Variants in RHOBTB1 observed in about 807,000 individuals in gnomAD.
The protein encoded by RHOBTB1 is rho-related BTB domain-containing protein 1.
Under a neutral mutation model 71.6 loss-of-function variants are expected in RHOBTB1, and 40 were observed. That is an observed-to-expected ratio of 0.56 (90% CI 0.43 to 0.73). The LOEUF (loss-of-function observed/expected upper bound fraction) is 0.73. Among genes scored for constraint, RHOBTB1 ranks in the 30% least tolerant of loss-of-function variants. RHOBTB1 has a pLI of 0.00. For missense variants in RHOBTB1, 797 were observed against 894.0 expected, an observed-to-expected ratio of 0.89 and a Z score of 1.38; for synonymous variants, 319 against 334.9, an observed-to-expected ratio of 0.95 and a Z score of 0.52.
chr10:60,864,056 C>T, the RHOBTB1 span, among the ~76,000 whole-genome samples: 27,508 of 152,096 alleles, frequency 0.18, 2,777 homozygotes, highest in African/African-American at 0.27. Context: ...ATAAAAGCCT[C>T]CTCTATGGCA....
chr10:60,911,656 T>A, intron 2 of RHOBTB1, 104 bp from the exon 3 acceptor site: 1 of 865,504 alleles, frequency 1.2e-6, no homozygotes, highest in Non-Finnish European at 1.9e-6. Context: ...GCCACTTCCT[T>A]GGAGGTGCAC....
chr10:60,915,904 C>T (rs1028318200), intron 2 of RHOBTB1, among the ~76,000 whole-genome samples: 2 of 152,174 alleles, frequency 1.3e-5, no homozygotes, highest in African/African-American at 4.8e-5. Flanking sequence ...TGCCAGTGAT[C>T]TTTACCACAT....
At chr10:60,889,302 GTCTC>G in intron 5 of RHOBTB1, 117 bp from the exon 6 acceptor site, 1 of 1,070,834 alleles carries the variant, frequency 9.3e-7, no homozygotes, top group Non-Finnish European at 1.3e-6. Context: ...CAGGCTTTTA[GTCTC>G]TGGAAAAATC....
intron 2 of RHOBTB1, among the ~76,000 whole-genome samples, chr10:60,964,628 GCTTA>G (rs1249294964): frequency 6.6e-6 from 1 of 152,040 alleles, no homozygotes; most frequent in African/African-American, 2.4e-5. Context: ...GAAAACAGCT[GCTTA>G]CTATGACTAA....
intron 1 of RHOBTB1, chr10:60,986,062 C>T (rs1028596207): frequency 4.6e-5 from 7 of 152,034 alleles, no homozygotes; most frequent in Non-Finnish European, 1.0e-4. Flanking sequence ...AGTATGCCAG[C>T]CAACTACATG....
At chr10:60,919,813 T>C (rs1480816735) in intron 2 of RHOBTB1, among the ~76,000 whole-genome samples, 1 of 152,240 alleles carries the variant, frequency 6.6e-6, no homozygotes, top group Non-Finnish European at 1.5e-5. Flanking sequence ...GTGCTCTCTA[T>C]GCTTTTAAAA....
At position 60,888,876 on chromosome 10, in the gene RHOBTB1, T is replaced by C. The variant is rs778696269; in HGVS notation, c.792A>G (p.Leu264=). ...GAAGGATGAACAGAACATCGGCACA[T>C]AGAGGATTGTCCAGTAAACAGGCAG... The part of the protein sequence containing the change: ...NEAACLLDNP[L]CADVLFILQD... The change falls in exon 6 of 11, where the codon CTA becomes CTG. Residue 264 remains leucine, a synonymous_variant. Transcript: ENST00000337910. 3 of 1,614,052 alleles carry C rather than the reference T, an allele frequency of 1.9e-6. No individual in the cohort carries two copies. The highest frequency in any genetic ancestry group is 3.3e-4 in the Middle Eastern group (2 of 6,084).
chr10:60,889,491 C>A (rs550632146), intron 5 of RHOBTB1, among the ~76,000 whole-genome samples: 50 of 152,054 alleles, frequency 3.3e-4, no homozygotes, highest in Middle Eastern at 3.4e-3. Context: ...TCCAATTGTT[C>A]ATTTCTTAGT....
In RHOBTB1 at chr10:60,943,407, C is replaced by T. The variant is rs2085027421; in HGVS notation, c.-62+564G>A. On this transcript the variant is annotated intron_variant, in intron 1 of 10. Transcript: ENST00000337910. Reference sequence around the variant, plus strand: ...TTCCCCAAAGCTGAGCACACACAGACAAGGTAAGGTGCTCTGCAAGCCCCT... The same window carrying T: ...TTCCCCAAAGCTGAGCACACACAGATAAGGTAAGGTGCTCTGCAAGCCCCT... Among the ~76,000 whole-genome samples the T allele has an allele frequency of 2.6e-5, 4 of 152,286 alleles. No homozygotes were observed. The South Asian group carries it at 8.3e-4, about 32-fold the overall frequency.
At chr10:60,987,335 T>G (rs2086699998) in intron 1 of RHOBTB1, among the ~76,000 whole-genome samples, 1 of 152,184 alleles carries the variant, frequency 6.6e-6, no homozygotes, top group Non-Finnish European at 1.5e-5. Flanking sequence ...TTAAATTATA[T>G]CTTTTTGGAT....
chr10:60,991,496 T>A (rs2086867547), intron 1 of RHOBTB1, among the ~76,000 whole-genome samples: 1 of 149,364 alleles, frequency 6.7e-6, no homozygotes, highest in Non-Finnish European at 1.5e-5. Flanking sequence ...AGTGGTGCAA[T>A]CCTGGCTCAC....
At chr10:60,913,789 C>T (rs1418345129) in intron 2 of RHOBTB1, among the ~76,000 whole-genome samples, 2 of 152,190 alleles carry the variant, frequency 1.3e-5, no homozygotes, top group African/African-American at 4.8e-5. Context: ...TGAATCCTAG[C>T]TCCCCCATTT....
At chr10:60,944,755 G>T (rs111581902), upstream of RHOBTB1, among the ~76,000 whole-genome samples, 1,804 of 152,298 alleles carry the variant, frequency 0.012, 30 homozygotes, top group African/African-American at 0.041. Context: ...CTGACTAAGG[G>T]CTGCATTAGC....
chr10:60,908,353 C>T (rs1032593950), intron 4 of RHOBTB1, among the ~76,000 whole-genome samples: 5 of 152,158 alleles, frequency 3.3e-5, no homozygotes, highest in Non-Finnish European at 7.4e-5. Flanking sequence ...AAAAAGGTTT[C>T]GAATACATTT....
At chr10:60,940,754 C>T (rs974054540) in intron 2 of RHOBTB1, among the ~76,000 whole-genome samples, 6 of 151,670 alleles carry the variant, frequency 4.0e-5, no homozygotes, top group African/African-American at 1.2e-4. Flanking sequence ...TCTATCCAGA[C>T]AAAAAAAATG....
At chr10:60,873,335 A>G (rs780814877) in intron 9 of RHOBTB1, among the ~76,000 whole-genome samples, 3 of 152,188 alleles carry the variant, frequency 2.0e-5, no homozygotes, top group Non-Finnish European at 2.9e-5. Flanking sequence ...GAGTATTTAT[A>G]TCATAGAAAT....
At chr10:60,900,410 T>C (rs2082360209) in intron 4 of RHOBTB1, among the ~76,000 whole-genome samples, 1 of 152,096 alleles carries the variant, frequency 6.6e-6, no homozygotes, top group East Asian at 1.9e-4. Flanking sequence ...CCAAAAGAGT[T>C]CAGAATAATG....
chr10:61,001,478 G>C (rs946315854), upstream of RHOBTB1: 1 of 149,016 alleles, frequency 6.7e-6, no homozygotes, highest in East Asian at 2.1e-4. Context: ...TAAAGCCGCC[G>C]GGACAGCGCC....
chr10:60,993,879 AT>A (rs2134996132), intron 1 of RHOBTB1, among the ~76,000 whole-genome samples: 2 of 152,130 alleles, frequency 1.3e-5, no homozygotes, highest in African/African-American at 4.8e-5. Flanking sequence ...GTAGTAATTA[AT>A]TTTTTGGTGA....
Sources: gnomAD v4.1 joint callset for allele counts (sites outside exome capture counted in the v4.1 genomes callset) on GRCh38, gnomAD v4.1.1 for gene constraint, MANE v1.5 for transcripts, NCBI Gene and HGNC (gene_info 2026-07-23, HGNC 2026-07-21) for gene names.